TYW1B: variants seen among roughly 807,000 people sequenced by gnomAD.
TYW1B encodes the protein S-adenosyl-L-methionine-dependent tRNA 4-demethylwyosine synthase TYW1B.
A neutral mutation model predicts 86.9 loss-of-function variants in TYW1B; 73 were observed. That is an observed-to-expected ratio of 0.84 (90% CI 0.70 to 1.02). The LOEUF (loss-of-function observed/expected upper bound fraction) is 1.02, where lower values mean the gene tolerates loss of function less well. Among genes scored for constraint, TYW1B ranks in the 50% least tolerant of loss-of-function variants. The pLI is 0.00. For missense variants in TYW1B, 637 were observed against 827.4 expected (o/e 0.77, Z 2.82); for synonymous variants, 248 against 292.8 (o/e 0.85, Z 1.56).
intron 8 of TYW1B, among the ~76,000 whole-genome samples, chr7:72,734,337 C>T (rs868982327): frequency 2.0e-5 from 3 of 149,670 alleles, no homozygotes; most frequent in South Asian, 2.1e-4. Context: ...ACAGACACAT[C>T]GACTCACAGA....
rs377626118 is a variant in TYW1B, at chr7:72,740,871, C to T, written c.1082+3613G>A. 3.6e-4 allele frequency among the ~76,000 whole-genome samples: 55 copies of T among 151,936 alleles called. 2 individuals are homozygous for T. In the East Asian group the frequency reaches 8.6e-3, roughly 24 times the overall value. On this transcript the variant is annotated intron_variant, in intron 8 of 13. Transcript: ENST00000620995. The stretch of plus-strand genomic sequence containing the variant: ...TCAGCCTCCCAAGTAGCTGGGACTA[C>T]AGGTGCCCACCACCACGCCTGGCTA...
chr7:72,756,201 T>TTTTATTTTATTTTATTTTA (rs1787584730), intron 7 of TYW1B, among the ~76,000 whole-genome samples: 1 of 138,788 alleles, frequency 7.2e-6, no homozygotes, highest in African/African-American at 2.7e-5. Context: ...GTTTATTATT[T>TTTTATTTTATTTTATTTTA]TTTTATTTTA....
At chr7:72,685,636 T>C (rs1813991823) in intron 11 of TYW1B, among the ~76,000 whole-genome samples, 1 of 152,142 alleles carries the variant, frequency 6.6e-6, no homozygotes, top group Non-Finnish European at 1.5e-5. Flanking sequence ...ACGAACACCT[T>C]ATATCTCTCC....
intron 11 of TYW1B, among the ~76,000 whole-genome samples, chr7:72,639,865 C>CAA (rs34283765): frequency 9.1e-6 from 1 of 109,302 alleles, no homozygotes; most frequent in Non-Finnish European, 2.0e-5. Context: ...GACTCCATCT[C>CAA]AAAAAAAAAA....
chr7:72,694,977 T>A (rs1458703812), intron 10 of TYW1B, among the ~76,000 whole-genome samples, 155 bp from the exon 11 acceptor site: 2 of 152,180 alleles, frequency 1.3e-5, no homozygotes, highest in African/African-American at 2.4e-5. Context: ...ATTTTAATCA[T>A]GTGACAAAAT....
chr7:72,598,435 TA>T (rs1233785754), intron 13 of TYW1B, among the ~76,000 whole-genome samples: 1 of 151,952 alleles, frequency 6.6e-6, no homozygotes, highest in Non-Finnish European at 1.5e-5. Context: ...ACATACCAAG[TA>T]AAATATTACA....
In TYW1B at chr7:72,721,017, C is replaced by T. The variant is rs879977335; in HGVS notation, c.1193-7219G>A. ...TGCGGTGTTTGGTTTTCTGTCCTTG[C>T]GATAGTTTGCTCAGAATGATGGTTT... On this transcript the variant is annotated intron_variant, in intron 9 of 13. Coordinates refer to ENST00000620995, the MANE Select transcript of TYW1B (RefSeq NM_001145440.3). Among the ~76,000 whole-genome samples the T allele has an allele frequency of 3.3e-5, 5 of 151,310 alleles. No homozygotes were observed. In the South Asian group the frequency reaches 6.2e-4, roughly 19 times the overall value.
At chr7:72,641,152 T>C (rs1320224375) in intron 11 of TYW1B, among the ~76,000 whole-genome samples, 1 of 151,968 alleles carries the variant, frequency 6.6e-6, no homozygotes, top group African/African-American at 2.4e-5. Context: ...AAAAAGTGGA[T>C]AACCTAAATT....
intron 13 of TYW1B, among the ~76,000 whole-genome samples, chr7:72,596,232 C>T (rs1404174960): frequency 1.4e-5 from 2 of 140,044 alleles, no homozygotes; most frequent in East Asian, 2.1e-4. Flanking sequence ...AAGTTACCTA[C>T]ATATTCAATA....
intron 11 of TYW1B, among the ~76,000 whole-genome samples, chr7:72,684,806 G>A (rs773406060): frequency 6.6e-6 from 1 of 152,016 alleles, no homozygotes; most frequent in African/African-American, 2.4e-5. Flanking sequence ...GGAAGAATCA[G>A]GATTATTTTG....
chr7:72,658,639 T>G (rs1465476578), intron 11 of TYW1B, among the ~76,000 whole-genome samples: 1 of 152,222 alleles, frequency 6.6e-6, no homozygotes, highest in Non-Finnish European at 1.5e-5. Context: ...GAAACTACAT[T>G]ATACATATAG....
intron 11 of TYW1B, among the ~76,000 whole-genome samples, chr7:72,632,976 G>A (rs1484737598): frequency 3.3e-5 from 5 of 152,124 alleles, no homozygotes; most frequent in African/African-American, 9.6e-5. Flanking sequence ...TCACAACCCT[G>A]CTGACCAAAA....
rs139711564 is a variant in TYW1B at position 72,731,803 on chromosome 7, G to A, written c.1083-2872C>T. ...CTAAAAATACAAAAATTAGCCAGGC[G>A]TGGTGGTGGGCACCTGTAATCCCAG... On this transcript the variant is annotated intron_variant, in intron 8 of 13. Coordinates refer to ENST00000620995, the MANE Select transcript of TYW1B (RefSeq NM_001145440.3). Among the ~76,000 whole-genome samples the A allele has an allele frequency of 1.4e-3, 218 of 152,204 alleles. 5 individuals are homozygous for A. The East Asian group carries it at 0.034, about 24-fold the overall frequency.
chr7:72,683,695 T>C (rs1813935657), intron 11 of TYW1B, among the ~76,000 whole-genome samples: 1 of 152,136 alleles, frequency 6.6e-6, no homozygotes, highest in Non-Finnish European at 1.5e-5. Flanking sequence ...TTACCCAGGA[T>C]ATCACATTCA....
chr7:72,628,155 C>T (rs1812396453), intron 12 of TYW1B, among the ~76,000 whole-genome samples: 1 of 152,114 alleles, frequency 6.6e-6, no homozygotes, highest in Non-Finnish European at 1.5e-5. Flanking sequence ...TAGTGGCGTG[C>T]ACCTCTAGTC....
chr7:72,715,532 G>C (rs1554455724), intron 9 of TYW1B, among the ~76,000 whole-genome samples: 8 of 152,128 alleles, frequency 5.3e-5, no homozygotes. Flanking sequence ...GCAAAATTAT[G>C]TATCCTAAGA....
At chr7:72,817,104 A>G (rs1227381790) in intron 2 of TYW1B, among the ~76,000 whole-genome samples, 1 of 152,102 alleles carries the variant, frequency 6.6e-6, no homozygotes, top group Non-Finnish European at 1.5e-5. Context: ...GAGAACTGGT[A>G]TAGAAAAAGG....
intron 11 of TYW1B, among the ~76,000 whole-genome samples, chr7:72,659,908 A>G (rs1447508826): frequency 5.9e-5 from 9 of 152,234 alleles, no homozygotes; most frequent in Admixed American, 1.3e-4. Context: ...TTAGCAGAGC[A>G]GTTTCCGAGT....
chr7:72,602,439 T>C (rs1811687585), intron 13 of TYW1B, among the ~76,000 whole-genome samples: 2 of 152,132 alleles, frequency 1.3e-5, no homozygotes, highest in African/African-American at 4.8e-5. Flanking sequence ...GACAGAAATA[T>C]AGAAATGTGG....
Sources: allele counts gnomAD v4.1 joint callset (sites outside exome capture counted in the v4.1 genomes callset), GRCh38; gene constraint gnomAD v4.1.1; transcripts MANE v1.5; gene names NCBI Gene and HGNC (gene_info 2026-07-23, HGNC 2026-07-21).